MGAT4A: variants seen among roughly 807,000 people sequenced by gnomAD.
The protein encoded by MGAT4A is alpha-1,3-mannosyl-glycoprotein 4-beta-N-acetylglucosaminyltransferase A.
Under a neutral mutation model 74.1 loss-of-function variants are expected in MGAT4A, and 33 were observed. The ratio of observed to expected loss-of-function variants is 0.45; its 90% confidence interval spans 0.34 to 0.60. The LOEUF is 0.60. Among genes scored for constraint, MGAT4A ranks in the 20% least tolerant of loss-of-function variants. The probability of loss-of-function intolerance (pLI) is 0.02; values close to 1 mark genes in which losing one functional copy is unlikely to be tolerated. For synonymous variants in MGAT4A, 198 were observed against 210.4 expected, an observed-to-expected ratio of 0.94 and a Z score of 0.51; for missense variants, 479 against 628.3, an observed-to-expected ratio of 0.76 and a Z score of 2.54.
intron 4 of MGAT4A, among the ~76,000 whole-genome samples, chr2:98,667,203 CTCTT>C (rs1701846001): frequency 1.3e-5 from 2 of 152,268 alleles, no homozygotes; most frequent in South Asian, 2.1e-4. Context: ...CCAATTAAAC[CTCTT>C]TCTTTTGTAA....
At chr2:98,638,983 C>T (rs1319621038) in intron 12 of MGAT4A, among the ~76,000 whole-genome samples, 2 of 152,098 alleles carry the variant, frequency 1.3e-5, no homozygotes, top group Admixed American at 6.6e-5. Context: ...GAAGGAATCA[C>T]GACTATTAAA....
chr2:98,677,801 A>ATTTTTTTTTTTTT (rs70940122), intron 3 of MGAT4A, among the ~76,000 whole-genome samples: 3 of 121,352 alleles, frequency 2.5e-5, no homozygotes, highest in Non-Finnish European at 5.1e-5. Flanking sequence ...CAGGTAATAA[A>ATTTTTTTTTTTTT]TTTTTTTTTT....
intron 2 of MGAT4A, among the ~76,000 whole-genome samples, chr2:98,704,262 G>A (rs1028675112): frequency 2.0e-5 from 3 of 152,186 alleles, no homozygotes; most frequent in Admixed American, 1.3e-4. Context: ...AAGTGTAAAA[G>A]CTCTATGTAA....
chr2:98,658,166 A>C, intron 6 of MGAT4A, 52 bp downstream of exon 6: 14 of 1,179,498 alleles, frequency 1.2e-5, no homozygotes, highest in Non-Finnish European at 1.6e-5. Context: ...AAGAAACCCA[A>C]GAGATAATAG....
chr2:98,639,776 G>GT (rs1559156475), intron 12 of MGAT4A, 32 bp downstream of exon 12: 27 of 1,537,106 alleles, frequency 1.8e-5, no homozygotes, highest in Non-Finnish European at 2.2e-5. Flanking sequence ...GATCCAAATT[G>GT]TAAGATCACA....
In MGAT4A at chr2:98,639,946, T is replaced by G. The variant is rs769839527; in HGVS notation, c.1184A>C (p.Glu395Ala). ...LLKIHVNPPA[E>A]VSTSLKVYQG... ...GTAGACCTTCAAGGAAGTAGATACC[T>G]CCGCAGGTGGGTTTACATGGATTTT... Residue 395 changes from glutamate (E) to alanine (A), a missense_variant, in exon 12 of 16, where the codon GAG (glutamate) becomes GCG (alanine). This residue lies in a region of MGAT4A where 236 missense variants were observed against 308.2 expected (regional missense o/e 0.77). Transcript: ENST00000393487. 6.2e-7 allele frequency: 1 copy of G among 1,614,070 alleles called. No individual in the cohort carries two copies. The highest frequency in any genetic ancestry group is 1.7e-5 in the Admixed American group (1 of 59,984).
intron 13 of MGAT4A, 101 bp from the exon 14 acceptor site, chr2:98,635,389 C>T (rs1474624855): frequency 3.9e-6 from 3 of 760,440 alleles, no homozygotes; most frequent in Non-Finnish European, 6.1e-6. Flanking sequence ...TGTAACACAG[C>T]TATCCCTAAA....
At chr2:98,703,401 A>C (rs1001175518) in intron 2 of MGAT4A, among the ~76,000 whole-genome samples, 9 of 152,156 alleles carry the variant, frequency 5.9e-5, no homozygotes, top group African/African-American at 1.9e-4. Flanking sequence ...AACAGACTGA[A>C]CAGAGAGGCC....
intron 14 of MGAT4A, among the ~76,000 whole-genome samples, chr2:98,629,404 G>C (rs532132212): frequency 6.6e-6 from 1 of 151,980 alleles, no homozygotes; most frequent in Non-Finnish European, 1.5e-5. Flanking sequence ...GCTGGACTTG[G>C]GTAGCAGGTA....
rs189833950 is a variant in MGAT4A at position 98,645,579 on chromosome 2, A to C, written c.775-37T>G. On this transcript the variant is annotated intron_variant, in intron 8 of 15. Coordinates refer to ENST00000393487, the MANE Select transcript of MGAT4A (RefSeq NM_012214.3). ...TGAACAATCATATTAATACATCAAA[A>C]AAAGAAAGGTATTGAGAGAAGGATA... is the stretch of plus-strand genomic sequence containing the variant. The C allele has an allele frequency of 5.7e-6, 8 of 1,393,404 alleles. No homozygotes were observed. In the East Asian group the frequency reaches 2.0e-4, roughly 34 times the overall value. The allele number at this position is 1,393,404 out of a possible 1,614,324, so 86.3% of individuals were successfully genotyped here. A position where few individuals can be genotyped will look rare whatever the true frequency, so the allele number is the denominator to read the frequency against.
In MGAT4A at chr2:98,621,538, C is replaced by T; in HGVS notation, c.*4028G>A. On this transcript the variant is annotated 3_prime_UTR_variant, in exon 16 of 16. Coordinates refer to ENST00000393487, the MANE Select transcript of MGAT4A (RefSeq NM_012214.3). ...AGGAGTCACAAGATTTGATTAGCCA[C>T]CCCCAGACAGTCTTCCTTTTGCTAC... The T allele has an allele frequency of 6.4e-7, 1 of 1,551,040 alleles. No homozygotes were observed. Among genetic ancestry groups the T allele is most frequent in the South Asian group, 1.2e-5 (1 of 84,006 alleles).
intron 2 of MGAT4A, among the ~76,000 whole-genome samples, chr2:98,711,590 TATTG>T (rs1702519966): frequency 6.6e-6 from 1 of 152,152 alleles, no homozygotes; most frequent in Admixed American, 6.5e-5. Context: ...CTTGTTTTTA[TATTG>T]ATTGAGGTGT....
rs1310755528 is a variant in MGAT4A at position 98,695,874 on chromosome 2, ACTT to A, written c.95-17406_95-17404del. ...TACAATTTAAAGAGTGTTCCACAGA[ACTT>A]CTTTTTTTTTTTTTTTTTTGAGACA... On this transcript the variant is annotated intron_variant, in intron 2 of 15. Transcript: ENST00000393487. Among the ~76,000 whole-genome samples, 7 of 146,474 alleles carry A rather than the reference ACTT, an allele frequency of 4.8e-5. No individual in the cohort carries two copies. The East Asian group carries it at 9.8e-4, about 20-fold the overall frequency.
chr2:98,722,692 G>A (rs1349597860), intron 2 of MGAT4A, among the ~76,000 whole-genome samples: 2 of 152,102 alleles, frequency 1.3e-5, no homozygotes, highest in African/African-American at 4.8e-5. Flanking sequence ...GAATTGTATA[G>A]TATGTAAATT....
intron 13 of MGAT4A, among the ~76,000 whole-genome samples, chr2:98,635,757 C>T (rs1432045047): frequency 6.6e-6 from 1 of 151,922 alleles, no homozygotes; most frequent in Admixed American, 6.6e-5. Flanking sequence ...CTTTGGGAGG[C>T]CGAGGCGGGT....
At chr2:98,680,040 C>CA (rs1702037738) in intron 2 of MGAT4A, among the ~76,000 whole-genome samples, 1 of 131,054 alleles carries the variant, frequency 7.6e-6, no homozygotes, top group Non-Finnish European at 1.6e-5. Flanking sequence ...CTTAGAAAGG[C>CA]TTTTTTTTTT....
intron 2 of MGAT4A, among the ~76,000 whole-genome samples, chr2:98,697,405 G>A (rs2104309573): frequency 6.6e-6 from 1 of 152,294 alleles, no homozygotes; most frequent in Non-Finnish European, 1.5e-5. Context: ...GGGGATGCAG[G>A]GGTTGGTGTG....
chr2:98,679,920 G>A (rs537147342), intron 2 of MGAT4A, among the ~76,000 whole-genome samples: 164 of 152,252 alleles, frequency 1.1e-3, no homozygotes, highest in African/African-American at 3.8e-3. Flanking sequence ...AGTGGAGGCT[G>A]CGGGAATGTT....
intron 2 of MGAT4A, among the ~76,000 whole-genome samples, chr2:98,688,528 A>G (rs75796342): frequency 1.3e-5 from 2 of 152,356 alleles, no homozygotes; most frequent in Non-Finnish European, 2.9e-5. Flanking sequence ...TATAGTGTAT[A>G]GTATAATATA....
Sources: allele counts gnomAD v4.1 joint callset (sites outside exome capture counted in the v4.1 genomes callset), GRCh38; gene constraint gnomAD v4.1.1; regional missense constraint gnomAD v4.1.1; transcripts MANE v1.5; gene names NCBI Gene and HGNC (gene_info 2026-07-23, HGNC 2026-07-21).